DNAJC6: variants seen among roughly 807,000 people sequenced by gnomAD.
DNAJC6 encodes the protein auxilin.
A neutral mutation model predicts 110.0 loss-of-function variants in DNAJC6; 34 were observed. That is an observed-to-expected ratio of 0.31 (90% CI 0.24 to 0.41). The LOEUF (loss-of-function observed/expected upper bound fraction) is 0.41. Ranked by LOEUF, DNAJC6 falls within the 10% of genes least tolerant of loss-of-function variation. The probability of loss-of-function intolerance (pLI) is 1.00; values close to 1 mark genes in which losing one functional copy is unlikely to be tolerated. For synonymous variants in DNAJC6, 406 were observed against 437.2 expected, an observed-to-expected ratio of 0.93 and a Z score of 0.89; for missense variants, 1,031 against 1,207.8, an observed-to-expected ratio of 0.85 and a Z score of 2.17.
chr1:65,281,306 T>A (rs1653836176), intron 1 of DNAJC6, among the ~76,000 whole-genome samples: 1 of 152,200 alleles, frequency 6.6e-6, no homozygotes, highest in African/African-American at 2.4e-5. Flanking sequence ...ACCATAAAAT[T>A]CACCTTTTCA....
At chr1:65,383,706 A>G (rs1645844307) in intron 5 of DNAJC6, among the ~76,000 whole-genome samples, 1 of 152,188 alleles carries the variant, frequency 6.6e-6, no homozygotes, top group African/African-American at 2.4e-5. Context: ...GGGCATACAA[A>G]CATTCAGTCC....
intron 1 of DNAJC6, among the ~76,000 whole-genome samples, chr1:65,277,927 G>A (rs1653725587): frequency 6.6e-6 from 1 of 152,188 alleles, no homozygotes; most frequent in South Asian, 2.1e-4. Context: ...TGCCCTACAG[G>A]GAGTGTCTGG....
intron 1 of DNAJC6, among the ~76,000 whole-genome samples, chr1:65,340,250 C>T (rs773142929): frequency 3.3e-4 from 50 of 152,132 alleles, no homozygotes; most frequent in Non-Finnish European, 7.3e-5. Context: ...TGCTGAGAGA[C>T]GAGGGATGAT....
At chr1:65,359,194 G>A (rs1277966460) in intron 1 of DNAJC6, among the ~76,000 whole-genome samples, 1 of 152,092 alleles carries the variant, frequency 6.6e-6, no homozygotes, top group Non-Finnish European at 1.5e-5. Flanking sequence ...AATGAAGCTC[G>A]ATACAAATAA....
chr1:65,365,889 A>G lies in DNAJC6; in HGVS notation c.349A>G (p.Thr117Ala), dbSNP rs201998655. The G allele has an allele frequency of 5.6e-6, 9 of 1,613,292 alleles. No individual in the cohort carries two copies. In the East Asian group the frequency reaches 1.1e-4, roughly 20 times the overall value. Residue 117 changes from threonine (T) to alanine (A), a missense_variant, in exon 3 of 19, where the codon ACA becomes GCA. Coordinates refer to ENST00000371069, the MANE Select transcript of DNAJC6 (RefSeq NM_001256864.2). The stretch of plus-strand genomic sequence containing the variant: ...CCATTTTTGTCTTGCTTTTAGCTAC[A>G]CAAAGGGAGATTTAGACTTCACTTA... ...SRVIQSVTSYTKGDLDFTYVT... is the reference protein window; with the variant it reads ...SRVIQSVTSYAKGDLDFTYVT...
At chr1:65,335,192 C>G (rs1316094526) in intron 1 of DNAJC6, among the ~76,000 whole-genome samples, 2 of 151,898 alleles carry the variant, frequency 1.3e-5, no homozygotes, top group African/African-American at 4.8e-5. Context: ...ACTGCAACCT[C>G]CACCTCGCGG....
At chr1:65,276,494 T>G (rs1231251865) in intron 1 of DNAJC6, among the ~76,000 whole-genome samples, 2 of 152,146 alleles carry the variant, frequency 1.3e-5, no homozygotes, top group Non-Finnish European at 1.5e-5. Context: ...ATTAAGGCTG[T>G]TTTGCAGACT....
At chr1:65,362,389 T>A (rs1645606449) in intron 1 of DNAJC6, among the ~76,000 whole-genome samples, 1 of 152,216 alleles carries the variant, frequency 6.6e-6, no homozygotes, top group Non-Finnish European at 1.5e-5. Context: ...TATTCTTTAT[T>A]TTGAAAATCT....
rs754546854 is a variant in DNAJC6 at position 65,389,252 on chromosome 1, T to G, written c.1194-4T>G. ...GAATTTATCTTTTTTAAATCCCTAT[T>G]TAGGCCTGAGTTAGATGCATGTGAT... On this transcript the variant is annotated splice_polypyrimidine_tract_variant and splice_region_variant and intron_variant, in intron 9 of 18. Transcript: ENST00000371069. 3 of 1,612,586 alleles carry G rather than the reference T, an allele frequency of 1.9e-6. No homozygotes were observed. The highest frequency in any genetic ancestry group is 2.5e-6 in the Non-Finnish European group (3 of 1,179,194).
Position 65,389,412 on chromosome 1 carries a change from T to C in DNAJC6, c.1350T>C (p.Ser450=), listed in dbSNP as rs202109326. The C allele has an allele frequency of 4.3e-5, 69 of 1,614,152 alleles. No homozygotes were observed. The East Asian group carries it at 1.3e-3, about 31-fold the overall frequency. The part of the protein sequence containing the change: ...TKDVNPSILF[S]SHQEHQDTLA... ...ATGTCAATCCCAGCATCCTCTTCTC[T>C]TCTCACCAGGAACATCAAGATACGC... The change falls in exon 10 of 19, where the codon TCT becomes TCC. Residue 450 remains serine (S), a synonymous_variant. Transcript: ENST00000371069.
At chr1:65,316,581 A>T (rs1209411194) in intron 1 of DNAJC6, among the ~76,000 whole-genome samples, 1 of 152,198 alleles carries the variant, frequency 6.6e-6, no homozygotes, top group Non-Finnish European at 1.5e-5. Context: ...CCTGATAAAT[A>T]CTTGTTGGAT....
At chr1:65,313,744 C>G (rs1570265385) in intron 1 of DNAJC6, among the ~76,000 whole-genome samples, 1 of 152,194 alleles carries the variant, frequency 6.6e-6, no homozygotes, top group South Asian at 2.1e-4. Context: ...AACAGCCTCT[C>G]AAGTGGTAGA....
At chr1:65,381,629 C>G (rs1337344702) in intron 5 of DNAJC6, among the ~76,000 whole-genome samples, 1 of 151,794 alleles carries the variant, frequency 6.6e-6, no homozygotes, top group African/African-American at 2.4e-5. Flanking sequence ...ACCTGCATCA[C>G]AGGTAAAAAG....
intron 4 of DNAJC6, among the ~76,000 whole-genome samples, chr1:65,369,315 C>G (rs911345218): frequency 2.0e-5 from 3 of 152,140 alleles, no homozygotes; most frequent in African/African-American, 7.2e-5. Flanking sequence ...TTGCCTACAT[C>G]TCTTTTCAAA....
In DNAJC6 at chr1:65,379,609, T is replaced by C. The variant is rs1198264373; in HGVS notation, c.666+85T>C. The C allele has an allele frequency of 3.8e-5, 58 of 1,526,306 alleles. 1 individual carries two copies. Among genetic ancestry groups the C allele is most frequent in the South Asian group, 2.6e-4 (20 of 77,264 alleles). 94.5% of individuals were successfully genotyped at this position (1,526,306 alleles called of 1,614,324 possible). A position where few individuals can be genotyped will look rare whatever the true frequency, so the allele number is the denominator to read the frequency against. On this transcript the variant is annotated intron_variant, in intron 5 of 18. Coordinates refer to ENST00000371069, the MANE Select transcript of DNAJC6 (RefSeq NM_001256864.2). The stretch of plus-strand genomic sequence containing the variant: ...GTACACAATGGTAGACAGGTAACAT[T>C]TGAGTTCAATAGGATTTACTGAGCC...
intron 8 of DNAJC6, among the ~76,000 whole-genome samples, chr1:65,387,448 A>G (rs1423485710): frequency 6.6e-6 from 1 of 152,168 alleles, no homozygotes. Flanking sequence ...TATAGCAGTC[A>G]CTTCCTATTC....
intron 18 of DNAJC6, among the ~76,000 whole-genome samples, chr1:65,412,409 A>C (rs1303702329): frequency 2.6e-5 from 4 of 152,220 alleles, no homozygotes; most frequent in Non-Finnish European, 5.9e-5. Context: ...AATTTGATGC[A>C]TATGATTTTC....
chr1:65,273,527 C>T (rs1182581120), intron 1 of DNAJC6, among the ~76,000 whole-genome samples: 4 of 150,074 alleles, frequency 2.7e-5, no homozygotes, highest in Non-Finnish European at 4.4e-5. Flanking sequence ...ACCCGGGAGG[C>T]GGAGGTTGCA....
chr1:65,283,020 A>C (rs1205873029), intron 1 of DNAJC6, among the ~76,000 whole-genome samples: 1 of 152,212 alleles, frequency 6.6e-6, no homozygotes, highest in Admixed American at 6.5e-5. Context: ...TTCCAAAGAA[A>C]TGTACAATGA....
Sources: allele counts gnomAD v4.1 joint callset (sites outside exome capture counted in the v4.1 genomes callset), GRCh38; gene constraint gnomAD v4.1.1; transcripts MANE v1.5; gene names NCBI Gene and HGNC (gene_info 2026-07-23, HGNC 2026-07-21).